The following LAMP3 variants were observed in gnomAD, a reference collection of about 807,000 sequenced individuals.
LAMP3 encodes the protein lysosome associated membrane protein 3, also known as lysosome-associated membrane glycoprotein 3.
Under a neutral mutation model 34.8 loss-of-function variants are expected in LAMP3, and 26 were observed. The observed-to-expected ratio is 0.75, with a 90% CI of 0.55 to 1.04. The LOEUF (loss-of-function observed/expected upper bound fraction) is 1.04. Ranked by LOEUF, LAMP3 falls within the 50% of genes least tolerant of loss-of-function variation. LAMP3 has a pLI of 0.00. For missense variants in LAMP3, 495 were observed against 524.0 expected, an observed-to-expected ratio of 0.94 and a Z score of 0.54; for synonymous variants, 180 against 201.9, an observed-to-expected ratio of 0.89 and a Z score of 0.92.
In LAMP3 at chr3:183,153,738, T is replaced by A; in HGVS notation, c.703A>T (p.Arg235Ter). The A allele has an allele frequency of 6.5e-7, 1 of 1,540,316 alleles. No individual in the cohort carries two copies. The highest frequency in any genetic ancestry group is 8.7e-7 in the Non-Finnish European group (1 of 1,145,984). The change falls in exon 2 of 6, where the codon AGA becomes TGA. Residue 235 changes from arginine (R) to a stop codon, truncating the protein, a stop_gained. Transcript: ENST00000265598. LOFTEE classifies it high-confidence loss of function. ...CCCATCTCTGCTTTTATACAGAGTCTGCTTCCGTTTAGAACCTGATAAATT... is the reference window on the plus strand; with the variant it reads ...CCCATCTCTGCTTTTATACAGAGTCAGCTTCCGTTTAGAACCTGATAAATT... ...TGIYQVLNGS[R>*]LCIKAEMGIQ... is the part of the protein sequence containing the mutation.
intron 3 of LAMP3, among the ~76,000 whole-genome samples, chr3:183,151,954 C>T (rs1344303898): frequency 3.3e-5 from 5 of 152,192 alleles, no homozygotes; most frequent in African/African-American, 1.2e-4. Flanking sequence ...TGCTCTGGCC[C>T]TGAATTTTGC....
At chr3:183,132,208 T>A (rs900508951) in intron 5 of LAMP3, 24 of 985,148 alleles carry the variant, frequency 2.4e-5, no homozygotes, top group Middle Eastern at 1.0e-3. Context: ...TGATATGTGC[T>A]TTAAATTAAA....
intron 3 of LAMP3, among the ~76,000 whole-genome samples, chr3:183,151,686 C>T (rs1050461917): frequency 3.3e-5 from 5 of 151,954 alleles, no homozygotes; most frequent in African/African-American, 1.2e-4. Flanking sequence ...CCTCAGCCTC[C>T]CAAAGTGCTG....
intron 2 of LAMP3, among the ~76,000 whole-genome samples, chr3:183,153,169 C>T (rs530830495): frequency 1.5e-5 from 2 of 129,636 alleles, no homozygotes; most frequent in South Asian, 5.0e-4. Flanking sequence ...AGCGAGACTC[C>T]GTCTCAAAAA....
At chr3:183,131,833 C>A (rs1485134709) in intron 5 of LAMP3, 1 of 701,588 alleles carries the variant, frequency 1.4e-6, no homozygotes, top group Non-Finnish European at 1.8e-6. Flanking sequence ...GAATGAAAAA[C>A]CCCCATCAAT....
intron 4 of LAMP3, among the ~76,000 whole-genome samples, chr3:183,138,741 C>T (rs757861445): frequency 1.3e-4 from 20 of 152,168 alleles, no homozygotes; most frequent in Non-Finnish European, 4.4e-5. Flanking sequence ...CATCCTTTCA[C>T]ACTTTAGAAT....
intron 5 of LAMP3, among the ~76,000 whole-genome samples, chr3:183,131,483 T>C (rs958015648): frequency 7.2e-5 from 11 of 152,194 alleles, no homozygotes; most frequent in Non-Finnish European, 1.5e-4. Context: ...CCGAGTCTCT[T>C]TGGGGAACTC....
intron 4 of LAMP3, among the ~76,000 whole-genome samples, chr3:183,136,730 A>C (rs915563627): frequency 6.6e-6 from 1 of 151,288 alleles, no homozygotes; most frequent in Non-Finnish European, 1.5e-5. Context: ...GGAGAAGCCC[A>C]TCTCTTCCCT....
In LAMP3 at chr3:183,159,684, CA is replaced by C. The variant is rs1219582096; in HGVS notation, c.49+2922del. Reference sequence around the variant, plus strand: ...ACTGCTGGCTGACTATTCCAAAACCCAGTCTCCCCTTCTTTCTAACAGTACC... The same window carrying C: ...ACTGCTGGCTGACTATTCCAAAACCCGTCTCCCCTTCTTTCTAACAGTACC... On this transcript the variant is annotated intron_variant, in intron 1 of 5. Coordinates refer to ENST00000265598, the MANE Select transcript of LAMP3 (RefSeq NM_014398.4). Among the ~76,000 whole-genome samples the C allele has an allele frequency of 3.9e-5, 6 of 152,368 alleles. No homozygotes were observed. The East Asian group carries it at 1.2e-3, about 29-fold the overall frequency.
At chr3:183,128,355 T>C (rs1229888725) in intron 5 of LAMP3, among the ~76,000 whole-genome samples, 1 of 152,172 alleles carries the variant, frequency 6.6e-6, no homozygotes. Flanking sequence ...ATAATGAATA[T>C]ACTATTATGC....
In LAMP3 at chr3:183,140,565, C is replaced by G. The variant is rs745992361; in HGVS notation, c.919G>C (p.Gly307Arg). ...DEESYYISEV[G>R]AYLTVSDPET... is the part of the protein sequence containing the mutation. ...GGATCTGAGACGGTCAAATAGGCTCCCACTTCACTGATATAATATGATTCT... is the reference window on the plus strand; with the variant it reads ...GGATCTGAGACGGTCAAATAGGCTCGCACTTCACTGATATAATATGATTCT... Residue 307 changes from glycine (G) to arginine (R), a missense_variant, in exon 4 of 6, where the codon GGA (glycine) becomes CGA (arginine). By Grantham distance (125) the Gly-to-Arg change is moderately radical. Coordinates refer to ENST00000265598, the MANE Select transcript of LAMP3 (RefSeq NM_014398.4). 4.4e-6 allele frequency: 7 copies of G among 1,605,718 alleles called. No homozygotes were observed. In the South Asian group the frequency reaches 6.6e-5, roughly 15 times the overall value.
chr3:183,131,959 GAAGT>G (rs1719937439), intron 5 of LAMP3: 1 of 985,330 alleles, frequency 1.0e-6, no homozygotes, highest in African/African-American at 1.7e-5. Context: ...GCGTAAAAGG[GAAGT>G]GAGTGATCCT....
chr3:183,127,767 C>A (rs1420609680), intron 5 of LAMP3, among the ~76,000 whole-genome samples: 1 of 152,130 alleles, frequency 6.6e-6, no homozygotes, highest in African/African-American at 2.4e-5. Flanking sequence ...CAATCTTTGA[C>A]CTTGATCCAT....
intron 1 of LAMP3, among the ~76,000 whole-genome samples, chr3:183,159,336 C>T (rs1720909518): frequency 6.6e-6 from 1 of 152,164 alleles, no homozygotes; most frequent in Admixed American, 6.6e-5. Flanking sequence ...GCAGAGGCTT[C>T]AGAAGTCTTG....
intron 5 of LAMP3, among the ~76,000 whole-genome samples, chr3:183,134,487 C>CT (rs985674561): frequency 2.6e-5 from 4 of 152,128 alleles, no homozygotes; most frequent in African/African-American, 9.7e-5. Context: ...AAGTGTGTAC[C>CT]TTTTTTTAAG....
chr3:183,137,128 GC>G (rs559382637), intron 4 of LAMP3, among the ~76,000 whole-genome samples: 2 of 152,084 alleles, frequency 1.3e-5, no homozygotes, highest in Admixed American at 1.3e-4. Flanking sequence ...GACCAGCCTG[GC>G]CAATGTGGTG....
In LAMP3 at chr3:183,124,112, C is replaced by T. The variant is rs1469709975; in HGVS notation, c.1220G>A (p.Arg407Lys). Residue 407 changes from arginine (R) to lysine (K), a missense_variant, in exon 6 of 6, where the codon AGG becomes AAG. By Grantham distance (26) the Arg-to-Lys change is conservative (BLOSUM62 2). Coordinates refer to ENST00000265598, the MANE Select transcript of LAMP3 (RefSeq NM_014398.4). ...TCTCTGGTATCCAGATGATTGACAC[C>T]TTAGGCGGATTTTATAGACACCCAT... is the stretch of plus-strand genomic sequence containing the variant. Reference protein sequence around the residue: ...MGMGVYKIRLRCQSSGYQRI With the variant: ...MGMGVYKIRLKCQSSGYQRI The T allele has an allele frequency of 1.9e-6, 3 of 1,614,088 alleles. No individual in the cohort carries two copies. In the Admixed American group the frequency reaches 5.0e-5, roughly 27 times the overall value.
At chr3:183,129,513 TTCTC>T (rs1438252315) in intron 5 of LAMP3, among the ~76,000 whole-genome samples, 9 of 152,126 alleles carry the variant, frequency 5.9e-5, no homozygotes, top group Non-Finnish European at 1.2e-4. Context: ...ATCTCAGTCA[TTCTC>T]TCTATGAAAA....
chr3:183,132,174 C>A (rs1719945049), intron 5 of LAMP3: 1 of 985,290 alleles, frequency 1.0e-6, no homozygotes, highest in Admixed American at 6.1e-5. Flanking sequence ...ATTTATTGAG[C>A]CCCTCCTTTT....
Sources: gnomAD v4.1 joint callset for allele counts (sites outside exome capture counted in the v4.1 genomes callset) on GRCh38, gnomAD v4.1.1 for gene constraint, MANE v1.5 for transcripts, NCBI Gene and HGNC (gene_info 2026-07-23, HGNC 2026-07-21) for gene names.